Variants in TRANK1 observed in about 807,000 individuals in gnomAD.
The protein encoded by TRANK1 is TPR and ankyrin repeat-containing protein 1.
A neutral mutation model predicts 266.0 loss-of-function variants in TRANK1; 198 were observed. The observed-to-expected ratio is 0.74, with a 90% CI of 0.66 to 0.84. TRANK1 has a LOEUF of 0.84. Among genes scored for constraint, TRANK1 ranks in the 40% least tolerant of loss-of-function variants. TRANK1 has a pLI of 0.00. For missense variants in TRANK1, 3,326 were observed against 3,634.6 expected, an observed-to-expected ratio of 0.92 and a Z score of 2.18; for synonymous variants, 1,396 against 1,384.1, an observed-to-expected ratio of 1.01 and a Z score of -0.19.
At chr3:36,844,843 G>A (rs939288823) in intron 17 of TRANK1, among the ~76,000 whole-genome samples, 1 of 151,982 alleles carries the variant, frequency 6.6e-6, no homozygotes, top group African/African-American at 2.4e-5. Flanking sequence ...GAATGCTCAG[G>A]ACAAACCTCT....
intron 8 of TRANK1, among the ~76,000 whole-genome samples, chr3:36,887,171 GCA>G (rs752343083): frequency 1.3e-5 from 2 of 151,992 alleles, no homozygotes; most frequent in African/African-American, 2.4e-5. Context: ...CGTAAAGAGG[GCA>G]CAATGATTGA....
intron 3 of TRANK1, among the ~76,000 whole-genome samples, chr3:36,900,208 G>A (rs73826910): frequency 0.01 from 1,528 of 152,200 alleles, 22 homozygotes; most frequent in African/African-American, 0.034. Flanking sequence ...GTCACAGCTT[G>A]GGCCGGAACA....
At chr3:36,899,345 G>T in intron 3 of TRANK1, 86 bp from the exon 4 acceptor site, 1 of 1,413,338 alleles carries the variant, frequency 7.1e-7, no homozygotes, top group Middle Eastern at 1.8e-4. Context: ...GGCAACATGG[G>T]AAATCCAACT....
chr3:36,832,795 C>T lies in TRANK1; in HGVS notation c.6788G>A (p.Gly2263Asp). 2 of 1,613,984 alleles carry T rather than the reference C, an allele frequency of 1.2e-6. No homozygotes were observed. The highest frequency in any genetic ancestry group is 1.7e-6 in the Non-Finnish European group (2 of 1,179,892). ...GACATCCAGAATGGACTTGCAAAGG[C>T]CATACATATCTGTAGACAAAATATA... The part of the protein sequence containing the change: ...IDYILSTDMY[G>D]LCKSILDVLF... Residue 2263 changes from glycine (G) to aspartate (D), a missense_variant, in exon 22 of 24, where the codon GGC becomes GAC. Gly to Asp is a moderately conservative substitution (Grantham distance 94, BLOSUM62 -1). Coordinates refer to ENST00000645898, the MANE Select transcript of TRANK1 (RefSeq NM_001329998.2).
chr3:36,902,672 A>G (rs1000471473), intron 3 of TRANK1, among the ~76,000 whole-genome samples: 1 of 152,230 alleles, frequency 6.6e-6, no homozygotes, highest in Non-Finnish European at 1.5e-5. Context: ...ACTATAAGAA[A>G]TGCCTTCTGA....
Position 36,942,830 on chromosome 3 carries a change from GGT to G in TRANK1, c.23+1955_23+1956del, listed in dbSNP as rs781030442. Among the ~76,000 whole-genome samples the G allele has an allele frequency of 8.4e-3, 1,276 of 151,488 alleles. 7 individuals are homozygous for G. The highest frequency in any genetic ancestry group is 0.013 in the Non-Finnish European group (911 of 67,896). On this transcript the variant is annotated intron_variant, in intron 1 of 23. Transcript: ENST00000645898. ...GAACCTGCAGTTGCCCCATAAAGCT[GGT>G]CAGTCGGTCATAAAGTGAAGTTAAC...
At chr3:36,903,341 C>A in intron 2 of TRANK1, 66 bp from the exon 3 acceptor site, 2 of 1,497,552 alleles carry the variant, frequency 1.3e-6, no homozygotes, top group Admixed American at 2.0e-5. Context: ...TGAAGTCCCC[C>A]CATTCGGTGC....
rs2078720539 is a variant in TRANK1, at chr3:36,833,128, T to C, written c.6455A>G (p.Lys2152Arg). The change falls in exon 22 of 24, where the codon AAA becomes AGA. Residue 2152 changes from lysine to arginine, a missense_variant. Transcript: ENST00000645898. Reference protein sequence around the residue: ...FDLDLNLREKKTKDHFLIMTD... With the variant: ...FDLDLNLREKRTKDHFLIMTD... ...CATTATCAAAAAATGATCTTTTGTT[T>C]TTTTCTCTCTCAAGTTCAAATCCAG... is the stretch of plus-strand genomic sequence containing the variant. 1 of 1,612,702 alleles carries C rather than the reference T, an allele frequency of 6.2e-7. No individual in the cohort carries two copies. The highest frequency in any genetic ancestry group is 1.1e-5 in the South Asian group (1 of 90,914).
At position 36,857,752 on chromosome 3, in the gene TRANK1, C is replaced by T. The variant is rs2079078806; in HGVS notation, c.1970G>A (p.Arg657Gln). The T allele has an allele frequency of 6.2e-6, 10 of 1,613,854 alleles. No individual in the cohort carries two copies. Among genetic ancestry groups the T allele is most frequent in the African/African-American group, 2.7e-5 (2 of 74,922 alleles). Residue 657 changes from arginine (R) to glutamine (Q), a missense_variant, in exon 13 of 24, where the codon CGG becomes CAG. Coordinates refer to ENST00000645898, the MANE Select transcript of TRANK1 (RefSeq NM_001329998.2). The surrounding 1 kb of genome is among the most constrained non-coding windows in gnomAD (Gnocchi z 4.3). ...KALMENRRRSRQDSAAHLGKL... is the reference protein window; with the variant it reads ...KALMENRRRSQQDSAAHLGKL... ...CCCCAGGTGGGCAGCAGAGTCCTGC[C>T]GGCTCCTCCTCCTGTTCTCCATCAG...
intron 2 of TRANK1, among the ~76,000 whole-genome samples, chr3:36,906,426 T>C (rs763129479): frequency 2.6e-5 from 4 of 152,166 alleles, no homozygotes; most frequent in Non-Finnish European, 5.9e-5. Flanking sequence ...AAGGTGAAAA[T>C]ACTTTCACAG....
intron 8 of TRANK1, among the ~76,000 whole-genome samples, chr3:36,879,731 T>A (rs1358888364): frequency 1.7e-5 from 2 of 116,398 alleles, no homozygotes; most frequent in Non-Finnish European, 3.3e-5. Flanking sequence ...TATAAATATA[T>A]ATAAATATAC....
At chr3:36,879,791 TATATAAATATACA>T (rs2079468259) in intron 8 of TRANK1, among the ~76,000 whole-genome samples, 1 of 99,126 alleles carries the variant, frequency 1.0e-5, no homozygotes, top group Non-Finnish European at 1.8e-5. Flanking sequence ...AATATGTAAA[TATATAAATATACA>T]AATATATGTA....
chr3:36,935,276 G>A (rs988564308), intron 1 of TRANK1, among the ~76,000 whole-genome samples: 22 of 152,120 alleles, frequency 1.4e-4, no homozygotes, highest in Middle Eastern at 6.8e-3. Flanking sequence ...ACCTCTATAA[G>A]GTCCTGTGTG....
intron 17 of TRANK1, 72 bp downstream of exon 17, chr3:36,846,176 T>C: frequency 2.1e-6 from 3 of 1,401,462 alleles, no homozygotes; most frequent in Non-Finnish European, 9.6e-7. Flanking sequence ...ACACCTTTTA[T>C]TCCTGACCAT....
At chr3:36,837,429 C>G (rs1274531248) in intron 20 of TRANK1, among the ~76,000 whole-genome samples, 1 of 152,132 alleles carries the variant, frequency 6.6e-6, no homozygotes, top group African/African-American at 2.4e-5. Flanking sequence ...TCTCAATGCC[C>G]AGGGTGCTCT....
chr3:36,879,631 T>C (rs1157869524), intron 8 of TRANK1, among the ~76,000 whole-genome samples: 5 of 83,078 alleles, frequency 6.0e-5, no homozygotes, highest in African/African-American at 2.3e-4. Flanking sequence ...TATATAAATA[T>C]ATATAAATAT....
chr3:36,844,697 A>G (rs2078892340), intron 17 of TRANK1, among the ~76,000 whole-genome samples: 1 of 152,160 alleles, frequency 6.6e-6, no homozygotes, highest in Non-Finnish European at 1.5e-5. Flanking sequence ...TTTTATGAGA[A>G]GCTATGTTTT....
chr3:36,879,781 A>AACATGTAAATATATAAATATATAAAT (rs1559448690), intron 8 of TRANK1, among the ~76,000 whole-genome samples: 1 of 67,686 alleles, frequency 1.5e-5, no homozygotes, highest in Non-Finnish European at 2.6e-5. Flanking sequence ...AATATATATA[A>AACATGTAAATATATAAATATATAAAT]ATATGTAAAT....
At chr3:36,853,621 T>C (rs1203754357) in intron 13 of TRANK1, among the ~76,000 whole-genome samples, 2 of 152,172 alleles carry the variant, frequency 1.3e-5, no homozygotes, top group African/African-American at 4.8e-5. Context: ...AATGGCCTTC[T>C]AGGGAACTAG....
Sources: allele counts gnomAD v4.1 joint callset (sites outside exome capture counted in the v4.1 genomes callset), GRCh38; gene constraint gnomAD v4.1.1; non-coding constraint Gnocchi (gnomAD v3.1); transcripts MANE v1.5; gene names NCBI Gene and HGNC (gene_info 2026-07-23, HGNC 2026-07-21).